Variants in KIF4A observed in about 807,000 individuals in gnomAD.
KIF4A encodes the protein chromosome-associated kinesin KIF4A.
A neutral mutation model predicts 105.9 loss-of-function variants in KIF4A; 7 were observed. The ratio of observed to expected loss-of-function variants is 0.07; its 90% CI spans 0.04 to 0.12. The LOEUF is 0.12. Among genes scored for constraint, KIF4A ranks in the 10% least tolerant of loss-of-function variants. KIF4A has a pLI of 1.00. For missense variants in KIF4A, 558 were observed against 929.2 expected (o/e 0.60, Z 5.19); for synonymous variants, 281 against 331.3 (o/e 0.85, Z 1.65).
Position 70,417,893 on chromosome X carries a change from C to T in KIF4A, c.3261C>T (p.Ser1087=). 1 of 1,206,803 alleles carries T rather than the reference C, an allele frequency of 8.3e-7. No individual in the cohort carries two copies. The highest frequency in any genetic ancestry group is 1.1e-6 in the Non-Finnish European group (1 of 892,220). Residue 1087 remains serine (S), a synonymous_variant, in exon 29 of 31, where the codon TCC becomes TCT. Coordinates refer to ENST00000374403, the MANE Select transcript of KIF4A (RefSeq NM_012310.5). ...TCTGCAAACCTGTTTTGCAGTGTTC[C>T]TGCAAGGGCTGGTGTGGAAACAAGC... ...KVSRKNIQGC[S]CKGWCGNKQC...
At chrX:70,341,385 T>C (rs1239118929) in intron 10 of KIF4A, among the ~76,000 whole-genome samples, 1 of 111,441 alleles carries the variant, frequency 9.0e-6, no homozygotes, top group Non-Finnish European at 1.9e-5. Flanking sequence ...TACCTCTCCC[T>C]TCTCTACTTC....
In KIF4A at chrX:70,387,273, G is replaced by A; in HGVS notation, c.2208G>A (p.Met736Ile). The A allele has an allele frequency of 8.5e-7, 1 of 1,182,390 alleles. No individual in the cohort carries two copies. Among genetic ancestry groups the A allele is most frequent in the Middle Eastern group, 2.3e-4 (1 of 4,314 alleles). ...GGAAAGAGACTCAGAGCCGTGGAAT[G>A]GAAGGCACTGCAGCTCGAGTGAAGG... ...DKRKETQSRG[M>I]EGTAARVKNW... The change falls in exon 20 of 31, where the codon ATG (methionine) becomes ATA (isoleucine). Residue 736 changes from methionine to isoleucine, a missense_variant. By Grantham distance (10) the Met-to-Ile change is conservative. Coordinates refer to ENST00000374403, the MANE Select transcript of KIF4A (RefSeq NM_012310.5).
At chrX:70,297,703 C>T (rs1224409044) in intron 4 of KIF4A, among the ~76,000 whole-genome samples, 1 of 111,295 alleles carries the variant, frequency 9.0e-6, no homozygotes, top group Non-Finnish European at 1.9e-5. Context: ...AAAATTCTAG[C>T]CCTTATGGGA....
At chrX:70,304,120 T>C (rs1435895410) in intron 7 of KIF4A, among the ~76,000 whole-genome samples, 1 of 79,379 alleles carries the variant, frequency 1.3e-5, no homozygotes, top group Non-Finnish European at 2.3e-5. Context: ...CCGCAGAGTG[T>C]GATGTTCCCC....
At chrX:70,339,687 G>A (rs1198892890) in intron 10 of KIF4A, among the ~76,000 whole-genome samples, 1 of 112,428 alleles carries the variant, frequency 8.9e-6, no homozygotes, top group East Asian at 2.8e-4. Context: ...ATATATGAAT[G>A]TTTTCACTTT....
At chrX:70,342,664 TAA>T (rs1569237144) in intron 11 of KIF4A, among the ~76,000 whole-genome samples, 2 of 112,657 alleles carry the variant, frequency 1.8e-5, no homozygotes, top group Non-Finnish European at 3.7e-5. Flanking sequence ...CAAGGAAAGA[TAA>T]GCTGCTTAAA....
At chrX:70,323,817 T>TTTAG (rs1980235682) in intron 7 of KIF4A, among the ~76,000 whole-genome samples, 1 of 102,965 alleles carries the variant, frequency 9.7e-6, no homozygotes, top group Admixed American at 1.1e-4. Flanking sequence ...TTAATATTTA[T>TTTAG]TTATTTATTT....
At chrX:70,290,829 CG>C in intron 3 of KIF4A, 24 bp downstream of exon 3, 1 of 1,006,970 alleles carries the variant, frequency 9.9e-7, no homozygotes, top group South Asian at 1.9e-5. Flanking sequence ...ATTCCTCGAA[CG>C]TAACATATAT....
At chrX:70,337,326 G>T (rs779880218) in intron 10 of KIF4A, among the ~76,000 whole-genome samples, 4 of 111,148 alleles carry the variant, frequency 3.6e-5, no homozygotes, top group Non-Finnish European at 7.5e-5. Context: ...TAGCCACTGC[G>T]CTTCAGCCTG....
At chrX:70,407,669 T>C (rs1000688904) in intron 28 of KIF4A, among the ~76,000 whole-genome samples, 2 of 112,395 alleles carry the variant, frequency 1.8e-5, no homozygotes, top group Non-Finnish European at 3.8e-5. Flanking sequence ...TACCATTTCA[T>C]TGAAGCTGAT....
chrX:70,365,174 C>A (rs1392290589), intron 15 of KIF4A, among the ~76,000 whole-genome samples: 1 of 111,976 alleles, frequency 8.9e-6, no homozygotes, highest in Non-Finnish European at 1.9e-5. Context: ...GATATACAAT[C>A]ATGTCATCTG....
intron 10 of KIF4A, among the ~76,000 whole-genome samples, chrX:70,334,701 A>G (rs2085943976): frequency 8.9e-6 from 1 of 111,976 alleles, no homozygotes; most frequent in Non-Finnish European, 1.9e-5. Flanking sequence ...CTCCCCCTAA[A>G]TCTTAGTTAC....
rs370316817 is a variant in KIF4A, at chrX:70,349,155, C to T, written c.1432-3445C>T. ...GCAGAGGCACTTCTCACATCCCAGA[C>T]GATGGGCGGCCGGGCAGAGGCACTC... is the stretch of plus-strand genomic sequence containing the variant. On this transcript the variant is annotated intron_variant, in intron 13 of 30. Coordinates refer to ENST00000374403, the MANE Select transcript of KIF4A (RefSeq NM_012310.5). Among the ~76,000 whole-genome samples the T allele has an allele frequency of 7.2e-4, 53 of 73,526 alleles. 1 individual carries two copies. In the East Asian group the frequency reaches 0.015, roughly 21 times the overall value. 63.8% of individuals were successfully genotyped at this position (73,526 alleles called of 115,157 possible).
intron 7 of KIF4A, among the ~76,000 whole-genome samples, chrX:70,316,228 C>T (rs184358986): frequency 1.8e-5 from 2 of 112,023 alleles, no homozygotes; most frequent in Non-Finnish European, 1.9e-5. Flanking sequence ...AGTATTATTA[C>T]CAATTTGATA....
intron 15 of KIF4A, among the ~76,000 whole-genome samples, chrX:70,359,532 A>C (rs1396069715): frequency 9.3e-6 from 1 of 107,743 alleles, no homozygotes; most frequent in Non-Finnish European, 1.9e-5. Flanking sequence ...AAAGCTGAAC[A>C]TAAGTAGTCT....
At chrX:70,397,974 ACACCACAGAAAC>A (rs1270214004) in intron 22 of KIF4A, among the ~76,000 whole-genome samples, 1 of 112,429 alleles carries the variant, frequency 8.9e-6, no homozygotes, top group Non-Finnish European at 1.9e-5. Context: ...GAGAATTTTT[ACACCACAGAAAC>A]TGACAAAAGT....
At chrX:70,401,469 C>G (rs1026741770) in intron 22 of KIF4A, among the ~76,000 whole-genome samples, 2 of 107,703 alleles carry the variant, frequency 1.9e-5, no homozygotes, top group Non-Finnish European at 3.8e-5. Context: ...GGCACGATCT[C>G]GGCTCACTGC....
chrX:70,407,110 G>A (rs967917570), intron 28 of KIF4A, 35 bp downstream of exon 28: 20 of 1,152,692 alleles, frequency 1.7e-5, no homozygotes, highest in Non-Finnish European at 2.2e-5. Context: ...TTTTTGTTTT[G>A]TTGTTGTTGT....
In KIF4A at chrX:70,372,809, T is replaced by C. The variant is rs185635944; in HGVS notation, c.1675-1342T>C. Among the ~76,000 whole-genome samples the C allele has an allele frequency of 3.1e-3, 355 of 113,207 alleles. 2 individuals are homozygous for C. The highest frequency in any genetic ancestry group is 0.011 in the African/African-American group (346 of 31,265). On this transcript the variant is annotated intron_variant, in intron 15 of 30. Coordinates refer to ENST00000374403, the MANE Select transcript of KIF4A (RefSeq NM_012310.5). ...GTGCAGCTCTTTACAGTTTACAAAA[T>C]GTCTACCTTTTTATCTTATTTGATC...
Sources: gnomAD v4.1 joint callset for allele counts (sites outside exome capture counted in the v4.1 genomes callset) on GRCh38, gnomAD v4.1.1 for gene constraint, MANE v1.5 for transcripts, NCBI Gene and HGNC (gene_info 2026-07-23, HGNC 2026-07-21) for gene names.